TAOK2: variants seen among roughly 807,000 people sequenced by gnomAD.
TAOK2 encodes the protein TAO kinase 2.
A neutral mutation model predicts 122.5 loss-of-function variants in TAOK2; 42 were observed. That is an observed-to-expected ratio of 0.34 (90% CI 0.27 to 0.44). The LOEUF is 0.44. Ranked by LOEUF, TAOK2 falls within the 20% of genes least tolerant of loss-of-function variation. TAOK2 has a pLI of 1.00. For missense variants in TAOK2, 1,264 were observed against 1,644.9 expected (o/e 0.77, Z 4.01); for synonymous variants, 704 against 677.6 (o/e 1.04, Z -0.61).
chr16:29,987,667 C>T lies in TAOK2; in HGVS notation c.3395C>T (p.Pro1132Leu), dbSNP rs762541075. Residue 1132 changes from proline to leucine, a missense_variant, in exon 16 of 16, where the codon CCC becomes CTC. Pro to Leu is a moderately conservative substitution (Grantham distance 98). Transcript: ENST00000308893. ...GFRSRLPVPG[P>L]RRRNPRTTQH... Reference sequence around the variant, plus strand: ...CGCAGCCGCCTGCCCGTCCCTGGGCCCCGGCGGCGTAATCCCCGCACCACC... The same window carrying T: ...CGCAGCCGCCTGCCCGTCCCTGGGCTCCGGCGGCGTAATCCCCGCACCACC... The T allele has an allele frequency of 2.5e-6, 4 of 1,613,846 alleles. No homozygotes were observed. In the South Asian group the frequency reaches 4.4e-5, roughly 18 times the overall value.
At chr16:29,991,304 G>GC, downstream of TAOK2, 1 of 1,610,848 alleles carries the variant, frequency 6.2e-7, no homozygotes. The surrounding 1 kb of genome is among the most constrained non-coding windows in gnomAD (Gnocchi z 5.6). Context: ...CACCAGGCAT[G>GC]CCCCCTCCAG....
In TAOK2 at chr16:29,977,809, C is replaced by A; in HGVS notation, c.37C>A (p.Pro13Thr). The change falls in exon 2 of 16, where the codon CCA becomes ACA. Residue 13 changes from proline to threonine, a missense_variant. Pro to Thr is a conservative substitution (Grantham distance 38). Around this residue, in one of 4 missense-constraint regions of TAOK2, gnomAD observed 254 missense variants for 503.8 expected, o/e 0.50. Coordinates refer to ENST00000308893, the MANE Select transcript of TAOK2 (RefSeq NM_016151.4). ...GGGCCGGGCCGGGAGCCTGAAGGAC[C>A]CAGATGTGGCTGAGCTCTTCTTCAA... ...AGGRAGSLKD[P>T]DVAELFFKDD... 6.2e-7 allele frequency: 1 copy of A among 1,614,198 alleles called. No individual in the cohort carries two copies.
downstream of TAOK2, chr16:29,989,914 G>A: frequency 9.5e-7 from 1 of 1,054,216 alleles, no homozygotes; most frequent in Non-Finnish European, 1.4e-6. Flanking sequence ...TTTTTACTTG[G>A]GAAACTCACA....
downstream of TAOK2, chr16:29,989,550 T>A: frequency 1.9e-6 from 3 of 1,609,212 alleles, no homozygotes; most frequent in Non-Finnish European, 1.7e-6. Context: ...CCTCCTCCTC[T>A]TCCCCGCTGC....
rs1176833717 is a variant in TAOK2, at chr16:29,985,026, G to C, written c.1423-187G>C. The C allele has an allele frequency of 4.3e-6, 3 of 695,144 alleles. No individual in the cohort carries two copies. In the Admixed American group the frequency reaches 9.6e-5, roughly 22 times the overall value. 43.1% of individuals were successfully genotyped at this position (695,144 alleles called of 1,614,324 possible). A position where few individuals can be genotyped will look rare whatever the true frequency, so the allele number is the denominator to read the frequency against. ...TTTTATCATTCGGCCACACCAACTT[G>C]TGATGTAGATAATATCACCATTATC... On this transcript the variant is annotated intron_variant, in intron 13 of 15. Transcript: ENST00000308893. This position sits in a 1 kb window ranked among gnomAD's most constrained non-coding sequence, Gnocchi z 6.9.
downstream of TAOK2, chr16:29,991,377 C>T: frequency 6.3e-7 from 1 of 1,583,096 alleles, no homozygotes. The surrounding 1 kb of genome is among the most constrained non-coding windows in gnomAD (Gnocchi z 5.6). Flanking sequence ...GCCCCCCACA[C>T]AAAGTGGGAC....
downstream of TAOK2, chr16:29,991,086 G>C: frequency 1.3e-6 from 2 of 1,588,152 alleles, no homozygotes; most frequent in Non-Finnish European, 1.7e-6. The surrounding 1 kb of genome is among the most constrained non-coding windows in gnomAD (Gnocchi z 5.6). Flanking sequence ...AGGACGCTCC[G>C]AGCGAATCCG....
In TAOK2 at chr16:29,983,511, C is replaced by T. The variant is rs1415715329; in HGVS notation, c.1269C>T (p.Asp423=). ...CTTCTATCTCCCTCTAGGGCTCTGA[C>T]AACCTATATGATGACCCCTACCAGC... The part of the protein sequence containing the change: ...SSIIHRLPGS[D]NLYDDPYQPE... Residue 423 remains aspartate, a synonymous_variant, in exon 13 of 16, where the codon GAC becomes GAT. Transcript: ENST00000308893. 6.2e-7 allele frequency: 1 copy of T among 1,608,590 alleles called. No individual in the cohort carries two copies. The highest frequency in any genetic ancestry group is 1.3e-5 in the African/African-American group (1 of 74,734).
chr16:29,984,329 C>A (rs143705877), intron 13 of TAOK2, among the ~76,000 whole-genome samples: 1 of 152,200 alleles, frequency 6.6e-6, no homozygotes, highest in African/African-American at 2.4e-5. Context: ...GGCCCTTAGT[C>A]CTCTCCTAAA....
At position 29,988,276 on chromosome 16, in the gene TAOK2, G is replaced by A; in HGVS notation, c.*296G>A. 1 of 1,469,362 alleles carries A rather than the reference G, an allele frequency of 6.8e-7. No individual in the cohort carries two copies. Among genetic ancestry groups the A allele is most frequent in the Non-Finnish European group, 9.0e-7 (1 of 1,111,368 alleles). The allele number at this position is 1,469,362 out of a possible 1,614,324, so 91.0% of individuals were successfully genotyped here. On this transcript the variant is annotated 3_prime_UTR_variant, in exon 16 of 16. Coordinates refer to ENST00000308893, the MANE Select transcript of TAOK2 (RefSeq NM_016151.4). Reference sequence around the variant, plus strand: ...TGGGGCCAGGGGTGGTGGAGGGTGGGAAGAGTCATGTTTTTTTTCTCCTCT... The same window carrying A: ...TGGGGCCAGGGGTGGTGGAGGGTGGAAAGAGTCATGTTTTTTTTCTCCTCT...
At chr16:29,975,863 C>A (rs1487463895) in intron 1 of TAOK2, among the ~76,000 whole-genome samples, 1 of 152,194 alleles carries the variant, frequency 6.6e-6, no homozygotes, top group African/African-American at 2.4e-5. Context: ...CAGCTCCATG[C>A]TGTAATCCAT....
chr16:29,981,841 C>T lies in TAOK2; in HGVS notation c.750-18C>T. Reference sequence around the variant, plus strand: ...TCATGCCTTCCCCACCCCTCTCCCACCCTCCTGTGACTTTCAGGTCTGAGT... The same window carrying T: ...TCATGCCTTCCCCACCCCTCTCCCATCCTCCTGTGACTTTCAGGTCTGAGT... On this transcript the variant is annotated intron_variant, in intron 9 of 15. Transcript: ENST00000308893. 6.2e-7 allele frequency: 1 copy of T among 1,609,700 alleles called. No individual in the cohort carries two copies. The highest frequency in any genetic ancestry group is 8.5e-7 in the Non-Finnish European group (1 of 1,176,052).
chr16:29,980,446 CCT>C (rs2069579210), intron 8 of TAOK2: 1 of 152,310 alleles, frequency 6.6e-6, no homozygotes, highest in Admixed American at 6.5e-5. Context: ...TGAGTGGCCC[CCT>C]GTTGCCTTCA....
downstream of TAOK2, chr16:29,989,858 T>C (rs538255446): frequency 5.1e-5 from 80 of 1,581,758 alleles, no homozygotes; most frequent in East Asian, 9.2e-5. Flanking sequence ...CTCTGTACTT[T>C]GCTTTAGAGA....
chr16:29,991,634 C>T, downstream of TAOK2: 2 of 1,415,954 alleles, frequency 1.4e-6, no homozygotes, highest in Non-Finnish European at 1.8e-6. The surrounding 1 kb of genome is among the most constrained non-coding windows in gnomAD (Gnocchi z 5.6). Context: ...CCCTGGAGGG[C>T]ACTGAGCTGG....
At chr16:29,978,068 C>CCTT (rs778473336) in intron 2 of TAOK2, 21 bp from the exon 3 acceptor site, 6 of 1,614,002 alleles carry the variant, frequency 3.7e-6, no homozygotes, top group South Asian at 1.1e-5. Context: ...GCCTTCAACA[C>CCTT]CTTCTGGTCT....
downstream of TAOK2, chr16:29,988,451 G>C (rs991925818): frequency 3.0e-5 from 38 of 1,255,130 alleles, no homozygotes; most frequent in Non-Finnish European, 3.7e-5. Flanking sequence ...AGCCTCCCCG[G>C]TATGCCCCCA....
chr16:29,985,093 T>C lies in TAOK2; in HGVS notation c.1423-120T>C. The C allele has an allele frequency of 7.8e-7, 1 of 1,277,446 alleles. No homozygotes were observed. Among genetic ancestry groups the C allele is most frequent in the Non-Finnish European group, 1.0e-6 (1 of 973,812 alleles). 79.1% of individuals were successfully genotyped at this position (1,277,446 alleles called of 1,614,324 possible). On this transcript the variant is annotated intron_variant, in intron 13 of 15. Coordinates refer to ENST00000308893, the MANE Select transcript of TAOK2 (RefSeq NM_016151.4). This position sits in a 1 kb window ranked among gnomAD's most constrained non-coding sequence, Gnocchi z 6.9. ...CTAGAGTGGCCGTGTGTGAGGAAGG[T>C]GTTAAATGAGAATGAAACCCATGAG...
downstream of TAOK2, chr16:29,989,951 C>G: frequency 4.2e-6 from 3 of 714,820 alleles, no homozygotes; most frequent in Non-Finnish European, 4.5e-6. Context: ...GTGTTCTCCA[C>G]AATGATTTAT....
Sources: gnomAD v4.1 joint callset for allele counts (sites outside exome capture counted in the v4.1 genomes callset) on GRCh38, gnomAD v4.1.1 for gene constraint, gnomAD v4.1.1 regional missense constraint, Gnocchi (gnomAD v3.1) non-coding constraint, MANE v1.5 for transcripts, NCBI Gene and HGNC (gene_info 2026-07-23, HGNC 2026-07-21) for gene names.